Variants in SAP30 observed in about 807,000 individuals in gnomAD.
SAP30 encodes the protein Sin3A associated protein 30.
A neutral mutation model predicts 19.6 loss-of-function variants in SAP30; 13 were observed. The observed-to-expected ratio is 0.66, with a 90% CI of 0.43 to 1.05. The LOEUF is 1.05. Ranked by LOEUF, SAP30 falls within the 50% of genes least tolerant of loss-of-function variation. SAP30 has a pLI of 0.00. For missense variants in SAP30, 257 were observed against 292.1 expected (o/e 0.88, Z 0.88); for synonymous variants, 108 against 122.7 (o/e 0.88, Z 0.79).
intron 1 of SAP30, among the ~76,000 whole-genome samples, chr4:173,373,017 C>G (rs1350763271): frequency 6.6e-6 from 1 of 152,172 alleles, no homozygotes; most frequent in Non-Finnish European, 1.5e-5. Flanking sequence ...CTCCTGAGCT[C>G]AAGTGATCCA....
Position 173,377,296 on chromosome 4 carries a change from C to T in SAP30, c.632C>T (p.Ser211Leu), listed in dbSNP as rs1405498217. The change falls in exon 4 of 4, where the codon TCA becomes TTA. Residue 211 changes from serine to leucine, a missense_variant. By Grantham distance (145) the Ser-to-Leu change is moderately radical. Transcript: ENST00000296504. ...IYSVKNDKNK[S>L]DLKVDSGVH Reference sequence around the variant, plus strand: ...TCAGTGAAGAATGACAAGAACAAATCAGATCTCAAGGTTGATAGTGGTGTT... The same window carrying T: ...TCAGTGAAGAATGACAAGAACAAATTAGATCTCAAGGTTGATAGTGGTGTT... The T allele has an allele frequency of 1.9e-6, 3 of 1,607,872 alleles. No individual in the cohort carries two copies. The highest frequency in any genetic ancestry group is 1.7e-6 in the Non-Finnish European group (2 of 1,177,858).
Position 173,371,056 on chromosome 4 carries a change from T to G in SAP30, c.-127T>G. ...GCAGAGACCAGCAGGCCCGGGACAG[T>G]TGGTGTTTGGCCGTGCCGCTGTCTA... On this transcript the variant is annotated 5_prime_UTR_variant, in exon 1 of 4. Coordinates refer to ENST00000296504, the MANE Select transcript of SAP30 (RefSeq NM_003864.4). The surrounding 1 kb of genome is among the most constrained non-coding windows in gnomAD (Gnocchi z 6.4). 1.2e-4 allele frequency: 126 copies of G among 1,042,238 alleles called. No individual in the cohort carries two copies. The highest frequency in any genetic ancestry group is 3.7e-4 in the Middle Eastern group (1 of 2,704). The allele number at this position is 1,042,238 out of a possible 1,614,324, so 64.6% of individuals were successfully genotyped here. A position where few individuals can be genotyped will look rare whatever the true frequency, so the allele number is the denominator to read the frequency against.
Position 173,371,294 on chromosome 4 carries a change from GCGGGCACCGGGGCTGAGGTGC to G in SAP30, c.118_138del (p.Thr40_Gly46del). On this transcript the variant is annotated inframe_deletion, in exon 1 of 4. Coordinates refer to ENST00000296504, the MANE Select transcript of SAP30 (RefSeq NM_003864.4). The surrounding 1 kb of genome is among the most constrained non-coding windows in gnomAD (Gnocchi z 6.4). ...CGCCTCGGCGGGGAACGGGACCGGC[GCGGGCACCGGGGCTGAGGTGC>G]CGGGCGCGGGGGCGGTCTCAGCGGC... 8.1e-7 allele frequency: 1 copy of G among 1,239,830 alleles called. No individual in the cohort carries two copies. The highest frequency in any genetic ancestry group is 2.9e-5 in the South Asian group (1 of 33,992). The allele number at this position is 1,239,830 out of a possible 1,614,324, so 76.8% of individuals were successfully genotyped here.
intron 1 of SAP30, among the ~76,000 whole-genome samples, chr4:173,373,063 C>T (rs1193703209): frequency 6.6e-6 from 1 of 152,134 alleles, no homozygotes; most frequent in Non-Finnish European, 1.5e-5. Context: ...GGATTACAGG[C>T]GTGAACCACC....
intron 3 of SAP30, among the ~76,000 whole-genome samples, chr4:173,376,044 C>T (rs1428395388): frequency 6.6e-6 from 1 of 152,206 alleles, no homozygotes; most frequent in Non-Finnish European, 1.5e-5. Flanking sequence ...CAAAAATTGC[C>T]TTCCGTGAAA....
Position 173,373,495 on chromosome 4 carries a change from C to A in SAP30, c.421C>A (p.Gln141Lys). The A allele has an allele frequency of 6.2e-7, 1 of 1,608,866 alleles. No homozygotes were observed. Among genetic ancestry groups the A allele is most frequent in the Non-Finnish European group, 8.5e-7 (1 of 1,177,480 alleles). The change falls in exon 2 of 4, where the codon CAA (glutamine) becomes AAA (lysine). Residue 141 changes from glutamine (Q) to lysine (K), a missense_variant. By Grantham distance (53) the Gln-to-Lys change is moderately conservative. Coordinates refer to ENST00000296504, the MANE Select transcript of SAP30 (RefSeq NM_003864.4). The stretch of plus-strand genomic sequence containing the variant: ...TGATGATGGAGGTGATTCACCTGTT[C>A]AAGATATTGATACCCCAGAGGTAGA... ...SDDDGGDSPV[Q>K]DIDTPEVDLY...
rs371931440 is a variant in SAP30, at chr4:173,374,924, C to T, written c.540+887C>T. Among the ~76,000 whole-genome samples the T allele has an allele frequency of 3.3e-5, 5 of 151,586 alleles. No homozygotes were observed. In the East Asian group the frequency reaches 7.7e-4, roughly 23 times the overall value. Reference sequence around the variant, plus strand: ...TGTAGTTTGCTTTGATAGAGGACTTCTAGTCAGTCACTGAGTTGTGAAAAG... The same window carrying T: ...TGTAGTTTGCTTTGATAGAGGACTTTTAGTCAGTCACTGAGTTGTGAAAAG... On this transcript the variant is annotated intron_variant, in intron 3 of 3. Coordinates refer to ENST00000296504, the MANE Select transcript of SAP30 (RefSeq NM_003864.4).
At chr4:173,375,089 T>C (rs1316625443) in intron 3 of SAP30, among the ~76,000 whole-genome samples, 2 of 150,944 alleles carry the variant, frequency 1.3e-5, no homozygotes, top group Non-Finnish European at 1.5e-5. Flanking sequence ...CTGAGGAGGA[T>C]TGATTAAGCC....
At position 173,371,062 on chromosome 4, in the gene SAP30, T is replaced by C; in HGVS notation, c.-121T>C. On this transcript the variant is annotated 5_prime_UTR_variant, in exon 1 of 4. Coordinates refer to ENST00000296504, the MANE Select transcript of SAP30 (RefSeq NM_003864.4). This position sits in a 1 kb window ranked among gnomAD's most constrained non-coding sequence, Gnocchi z 6.4. The stretch of plus-strand genomic sequence containing the variant: ...ACCAGCAGGCCCGGGACAGTTGGTG[T>C]TTGGCCGTGCCGCTGTCTAACTTGG... The C allele has an allele frequency of 2.5e-6, 3 of 1,181,024 alleles. No homozygotes were observed. The highest frequency in any genetic ancestry group is 3.3e-6 in the Non-Finnish European group (3 of 904,894). The allele number at this position is 1,181,024 out of a possible 1,614,324, so 73.2% of individuals were successfully genotyped here. A position where few individuals can be genotyped will look rare whatever the true frequency, so the allele number is the denominator to read the frequency against.
At chr4:173,376,631 T>C (rs1440781197) in intron 3 of SAP30, among the ~76,000 whole-genome samples, 3 of 152,038 alleles carry the variant, frequency 2.0e-5, no homozygotes, top group African/African-American at 7.2e-5. Context: ...TTATTTATCT[T>C]TTTTTGAGAC....
intron 3 of SAP30, among the ~76,000 whole-genome samples, chr4:173,376,653 C>T (rs1223404064): frequency 6.6e-6 from 1 of 151,968 alleles, no homozygotes; most frequent in Non-Finnish European, 1.5e-5. Flanking sequence ...GAGTCTTGCT[C>T]TGTTGCCCAG....
chr4:173,372,905 C>T (rs561806397), intron 1 of SAP30, among the ~76,000 whole-genome samples: 1 of 152,330 alleles, frequency 6.6e-6, no homozygotes, highest in Non-Finnish European at 1.5e-5. Flanking sequence ...GCCATAGCCT[C>T]CTGAGTAGCT....
At chr4:173,374,263 A>C (rs983895978) in intron 3 of SAP30, among the ~76,000 whole-genome samples, 3 of 152,152 alleles carry the variant, frequency 2.0e-5, no homozygotes, top group African/African-American at 7.2e-5. Flanking sequence ...ACCTTCTGAT[A>C]CTGGCTTTCA....
intron 3 of SAP30, among the ~76,000 whole-genome samples, chr4:173,376,819 G>T: frequency 6.6e-6 from 1 of 151,728 alleles, no homozygotes; most frequent in East Asian, 1.9e-4. Context: ...ATGGGGTTTC[G>T]TCATGTTGCT....
intron 1 of SAP30, among the ~76,000 whole-genome samples, chr4:173,372,998 TG>T (rs1402583556): frequency 6.6e-6 from 1 of 152,130 alleles, no homozygotes; most frequent in Non-Finnish European, 1.5e-5. Context: ...TGGCCAGGCT[TG>T]TGTGGAACTC....
chr4:173,373,694 T>C (rs555147906), intron 2 of SAP30, among the ~76,000 whole-genome samples, 179 bp downstream of exon 2: 53 of 152,346 alleles, frequency 3.5e-4, no homozygotes, highest in African/African-American at 1.2e-3. Flanking sequence ...ACATTTTAGA[T>C]TGACAATTTT....
Position 173,371,567 on chromosome 4 carries a change from G to C in SAP30, c.315+70G>C. 5.2e-6 allele frequency: 8 copies of C among 1,533,350 alleles called. No individual in the cohort carries two copies. The highest frequency in any genetic ancestry group is 7.0e-6 in the Non-Finnish European group (8 of 1,141,022). The allele number at this position is 1,533,350 out of a possible 1,614,324, so 95.0% of individuals were successfully genotyped here. ...GGCCCCAGGAGCCGGGCAAAGGCAC[G>C]GGTTGTCGGCGGGGTCCCCCAGACA... On this transcript the variant is annotated intron_variant, in intron 1 of 3. Coordinates refer to ENST00000296504, the MANE Select transcript of SAP30 (RefSeq NM_003864.4). The surrounding 1 kb of genome is among the most constrained non-coding windows in gnomAD (Gnocchi z 6.4).
chr4:173,376,957 T>C (rs1739052651), intron 3 of SAP30, among the ~76,000 whole-genome samples: 3 of 152,102 alleles, frequency 2.0e-5, no homozygotes, highest in African/African-American at 7.2e-5. Context: ...AAGGAAAATA[T>C]ATTTTCTAAT....
At chr4:173,373,816 A>T (rs1286099508) in intron 2 of SAP30, 123 bp from the exon 3 acceptor site, 8 of 387,114 alleles carry the variant, frequency 2.1e-5, no homozygotes, top group South Asian at 7.8e-5. Context: ...AATTTTTTAA[A>T]TTTTTTTTGA....
Sources: allele counts gnomAD v4.1 joint callset (sites outside exome capture counted in the v4.1 genomes callset), GRCh38; gene constraint gnomAD v4.1.1; non-coding constraint Gnocchi (gnomAD v3.1); transcripts MANE v1.5; gene names NCBI Gene and HGNC (gene_info 2026-07-23, HGNC 2026-07-21).